PLCXD1: variants seen among roughly 807,000 people sequenced by gnomAD.
PLCXD1 encodes phosphatidylinositol specific phospholipase C X domain containing 1, also known as PI-PLC X domain-containing protein 1.
Under a neutral mutation model 37.8 loss-of-function variants are expected in PLCXD1, and 45 were observed. That is an observed-to-expected ratio of 1.19 (90% CI 0.94 to 1.53). The LOEUF is 1.53. Ranked by LOEUF, PLCXD1 falls within the 40% of genes most tolerant of loss-of-function variation. The pLI, the probability that PLCXD1 is intolerant of heterozygous loss-of-function variation, is 0.00. For missense variants in PLCXD1, 539 were observed against 454.7 expected (o/e 1.19, Z -1.69); for synonymous variants, 246 against 206.9 (o/e 1.19, Z -1.62).
chrX:301,271 G>C lies in PLCXD1; in HGVS notation c.*1936G>C, dbSNP rs2070008347. 1 of 152,082 alleles carries C rather than the reference G, an allele frequency of 6.6e-6. No individual in the cohort carries two copies. The allele number at this position is 152,082 out of a possible 1,614,324, so 9.4% of individuals were successfully genotyped here. Reference sequence around the variant, plus strand: ...AGTGATCCTCCCACCTTAGCTTCCAGAGTGGCCAGGATCACAGGCAGGCAC... The same window carrying C: ...AGTGATCCTCCCACCTTAGCTTCCACAGTGGCCAGGATCACAGGCAGGCAC... On this transcript the variant is annotated 3_prime_UTR_variant, in exon 7 of 7. Transcript: ENST00000381657.
At chrX:297,585 C>T (rs1160574462) in intron 6 of PLCXD1, among the ~76,000 whole-genome samples, 53 of 49,994 alleles carry the variant, frequency 1.1e-3, no homozygotes, top group African/African-American at 7.6e-3. Context: ...GGGATTAGGA[C>T]GTGGACATCT....
chrX:301,756 G>A lies in PLCXD1; in HGVS notation c.*2421G>A, dbSNP rs377389943. The stretch of plus-strand genomic sequence containing the variant: ...TTCTTGTGCCTCAGCCTCCTGAGTA[G>A]CTGGGATTACAGGCGCCCGCCACCG... On this transcript the variant is annotated 3_prime_UTR_variant, in exon 7 of 7. Coordinates refer to ENST00000381657, the MANE Select transcript of PLCXD1 (RefSeq NM_018390.4). 3 of 152,284 alleles carry A rather than the reference G, an allele frequency of 2.0e-5. No homozygotes were observed. Among genetic ancestry groups the A allele is most frequent in the East Asian group, 1.9e-4 (1 of 5,208 alleles). 9.4% of individuals were successfully genotyped at this position (152,284 alleles called of 1,614,324 possible).
intron 6 of PLCXD1, among the ~76,000 whole-genome samples, 193 bp downstream of exon 6, chrX:293,411 G>T (rs2069702637): frequency 6.6e-6 from 1 of 152,192 alleles, no homozygotes; most frequent in African/African-American, 2.4e-5. Context: ...ATCACCTGAG[G>T]TCGGGAGTTT....
At chrX:285,083 TGCAG>T (rs2069402310) in intron 2 of PLCXD1, among the ~76,000 whole-genome samples, 1 of 151,182 alleles carries the variant, frequency 6.6e-6, no homozygotes, top group African/African-American at 2.4e-5. Flanking sequence ...TAGGCACACA[TGCAG>T]GCACACACAG....
chrX:293,726 C>T (rs1429208397), intron 6 of PLCXD1, among the ~76,000 whole-genome samples: 8 of 152,150 alleles, frequency 5.3e-5, no homozygotes, highest in East Asian at 1.9e-4. Flanking sequence ...AAGGATGCAG[C>T]GGGCACAAAC....
intron 5 of PLCXD1, 34 bp downstream of exon 5, chrX:291,688 C>A: frequency 1.2e-6 from 2 of 1,606,972 alleles, no homozygotes; most frequent in Non-Finnish European, 1.7e-6. Flanking sequence ...ACGTCTCTCC[C>A]GGGGCAGGGG....
chrX:295,178 A>T (rs1266482163), intron 6 of PLCXD1, among the ~76,000 whole-genome samples: 1 of 151,976 alleles, frequency 6.6e-6, no homozygotes. Context: ...TGGGAAAAAA[A>T]AAAAAAGGTA....
At position 301,008 on chromosome X, in the gene PLCXD1, T is replaced by C. The variant is rs1470703330; in HGVS notation, c.*1673T>C. 3 of 152,094 alleles carry C rather than the reference T, an allele frequency of 2.0e-5. No homozygotes were observed. Among genetic ancestry groups the C allele is most frequent in the African/African-American group, 7.2e-5 (3 of 41,402 alleles). 9.4% of individuals were successfully genotyped at this position (152,094 alleles called of 1,614,324 possible). ...ATGAGCCACTGTGCCCAGCCGCCGATATTTCTTTAAATTATGTTTAGGGAC... is the reference window on the plus strand; with the variant it reads ...ATGAGCCACTGTGCCCAGCCGCCGACATTTCTTTAAATTATGTTTAGGGAC... On this transcript the variant is annotated 3_prime_UTR_variant, in exon 7 of 7. Coordinates refer to ENST00000381657, the MANE Select transcript of PLCXD1 (RefSeq NM_018390.4).
chrX:289,405 C>T (rs1273265045), intron 3 of PLCXD1, among the ~76,000 whole-genome samples: 10 of 151,510 alleles, frequency 6.6e-5, no homozygotes, highest in East Asian at 3.9e-4. Flanking sequence ...TATTAAATGG[C>T]GTAAAGCTAA....
chrX:282,942 ATATTAT>A (rs1177230609), intron 1 of PLCXD1, among the ~76,000 whole-genome samples: 3 of 117,352 alleles, frequency 2.6e-5, no homozygotes, highest in East Asian at 2.1e-4. Context: ...TGTTATATAT[ATATTAT>A]ATATATATTA....
chrX:276,869 G>A (rs1367115695), upstream of PLCXD1, among the ~76,000 whole-genome samples: 1 of 152,142 alleles, frequency 6.6e-6, no homozygotes, highest in East Asian at 1.9e-4. Context: ...TTCACCCCGT[G>A]CGTTGAATGT....
intron 2 of PLCXD1, among the ~76,000 whole-genome samples, chrX:285,892 A>G (rs1446549155): frequency 6.6e-6 from 1 of 152,198 alleles, no homozygotes; most frequent in Non-Finnish European, 1.5e-5. Flanking sequence ...GTGGCTGTGG[A>G]GAACAACGTC....
chrX:296,246 G>A (rs746149169), intron 6 of PLCXD1, among the ~76,000 whole-genome samples: 163 of 152,188 alleles, frequency 1.1e-3, no homozygotes, highest in African/African-American at 3.5e-3. Context: ...TCAGCCTCCC[G>A]AGTAGCTGGG....
chrX:303,310 C>G lies in PLCXD1; in HGVS notation c.*3975C>G, dbSNP rs1191014495. On this transcript the variant is annotated 3_prime_UTR_variant, in exon 7 of 7. Transcript: ENST00000381657. ...GTCAGGGGCGTATCCACAAAATCACCGAATTCATACAGATCGTTTAAATAA... is the reference window on the plus strand; with the variant it reads ...GTCAGGGGCGTATCCACAAAATCACGGAATTCATACAGATCGTTTAAATAA... 1 of 152,138 alleles carries G rather than the reference C, an allele frequency of 6.6e-6. No homozygotes were observed. The highest frequency in any genetic ancestry group is 1.5e-5 in the Non-Finnish European group (1 of 68,028). 9.4% of individuals were successfully genotyped at this position (152,138 alleles called of 1,614,324 possible).
chrX:281,173 G>A (rs1409795303), upstream of PLCXD1: 24 of 236,206 alleles, frequency 1.0e-4, no homozygotes, highest in South Asian at 6.7e-4. Context: ...GCGTGCAGGG[G>A]GAGGGGAAGC....
At chrX:287,938 C>A (rs1183018036) in intron 2 of PLCXD1, among the ~76,000 whole-genome samples, 1 of 151,982 alleles carries the variant, frequency 6.6e-6, no homozygotes, top group Non-Finnish European at 1.5e-5. Flanking sequence ...GTTCTAGATA[C>A]AGAAATCTGA....
At position 291,392 on chromosome X, in the gene PLCXD1, C is replaced by T. The variant is rs771861831; in HGVS notation, c.394-107C>T. ...AACTCCTAACCTCAGGTGATCCACC[C>T]GCCTCGGCCTCCCAAATTGCTGGGA... On this transcript the variant is annotated intron_variant, in intron 4 of 6. Coordinates refer to ENST00000381657, the MANE Select transcript of PLCXD1 (RefSeq NM_018390.4). 1.4e-4 allele frequency: 180 copies of T among 1,258,718 alleles called. 2 individuals carry two copies. The South Asian group carries it at 2.1e-3, about 15-fold the overall frequency. The allele number at this position is 1,258,718 out of a possible 1,614,324, so 78.0% of individuals were successfully genotyped here.
intron 3 of PLCXD1, among the ~76,000 whole-genome samples, chrX:289,174 G>C (rs182312394): frequency 1.2e-4 from 18 of 152,018 alleles, no homozygotes; most frequent in African/African-American, 4.1e-4. Flanking sequence ...TGCAACCTCC[G>C]CTGCCTGGGT....
upstream of PLCXD1, among the ~76,000 whole-genome samples, chrX:278,693 T>C (rs78053281): frequency 0.52 from 76,495 of 145,874 alleles, 21,262 homozygotes; most frequent in East Asian, 0.69. Flanking sequence ...GAGCCGAGAT[T>C]GCACCACTGC....
Sources: allele counts gnomAD v4.1 joint callset (sites outside exome capture counted in the v4.1 genomes callset), GRCh38; gene constraint gnomAD v4.1.1; transcripts MANE v1.5; gene names NCBI Gene and HGNC (gene_info 2026-07-23, HGNC 2026-07-21).